Variants in EBF2 observed in about 807,000 individuals in gnomAD.
The protein encoded by EBF2 is transcription factor COE2.
EBF2 carries 21 observed loss-of-function variants against 72.8 expected under a neutral mutation model. The observed-to-expected ratio is 0.29, with a 90% CI of 0.20 to 0.42. The LOEUF is 0.42. Among genes scored for constraint, EBF2 ranks in the 10% least tolerant of loss-of-function variants. The pLI is 1.00. For missense variants in EBF2, 637 were observed against 731.2 expected, an observed-to-expected ratio of 0.87 and a Z score of 1.49; for synonymous variants, 299 against 274.2, an observed-to-expected ratio of 1.09 and a Z score of -0.89.
chr8:25,847,699 A>G lies in EBF2; in HGVS notation c.1696+2895T>C, dbSNP rs187890993. ...GCACAGATTGACAAGGCCCGGAAAG[A>G]GCTGAACTAGAACTCAGCACAGGAC... On this transcript the variant is annotated intron_variant, in intron 15 of 15. Coordinates refer to ENST00000520164, the MANE Select transcript of EBF2 (RefSeq NM_022659.4). Among the ~76,000 whole-genome samples the G allele has an allele frequency of 8.0e-4, 122 of 152,306 alleles. 2 individuals are homozygous for G. The highest frequency in any genetic ancestry group is 2.9e-3 in the African/African-American group (119 of 41,554).
intron 6 of EBF2, among the ~76,000 whole-genome samples, chr8:25,983,265 G>C (rs4427181): frequency 0.34 from 51,947 of 152,024 alleles, 9,591 homozygotes; most frequent in South Asian, 0.49. Flanking sequence ...GTGCATCATT[G>C]AGTGTGAAAG....
At chr8:26,019,885 T>C (rs1248657113) in intron 6 of EBF2, among the ~76,000 whole-genome samples, 8 of 152,160 alleles carry the variant, frequency 5.3e-5, no homozygotes, top group Non-Finnish European at 1.0e-4. Flanking sequence ...TGCTCAAAAC[T>C]GCCTGCTTTC....
At chr8:25,911,893 C>T (rs773148112) in intron 6 of EBF2, among the ~76,000 whole-genome samples, 18 of 152,264 alleles carry the variant, frequency 1.2e-4, no homozygotes, top group African/African-American at 2.4e-4. Flanking sequence ...TCCAGGGTGA[C>T]GCCGTGCCCA....
At chr8:25,946,120 C>G (rs1169099975) in intron 6 of EBF2, among the ~76,000 whole-genome samples, 1 of 152,216 alleles carries the variant, frequency 6.6e-6, no homozygotes, top group Non-Finnish European at 1.5e-5. Flanking sequence ...TCTTCAACTT[C>G]TAGAATCTCC....
chr8:25,891,591 T>G (rs1242637438), intron 7 of EBF2, among the ~76,000 whole-genome samples: 2 of 151,878 alleles, frequency 1.3e-5, no homozygotes, highest in Non-Finnish European at 2.9e-5. Context: ...TTTTTTTTTT[T>G]TTTTGAGATA....
At chr8:26,036,750 C>T (rs796393586) in intron 5 of EBF2, among the ~76,000 whole-genome samples, 36 of 152,252 alleles carry the variant, frequency 2.4e-4, no homozygotes, top group African/African-American at 8.2e-4. Context: ...CTCAATTCTG[C>T]CTTCCCTTTG....
At chr8:26,007,942 G>GA (rs990646705) in intron 6 of EBF2, among the ~76,000 whole-genome samples, 1 of 151,382 alleles carries the variant, frequency 6.6e-6, no homozygotes. Flanking sequence ...ATTTTTCCCG[G>GA]AAAAAAGAAG....
chr8:26,000,406 G>A (rs1354219047), intron 6 of EBF2, among the ~76,000 whole-genome samples: 1 of 152,078 alleles, frequency 6.6e-6, no homozygotes, highest in African/African-American at 2.4e-5. Context: ...TGTTGTCTCT[G>A]CACTTACAGC....
At chr8:25,976,318 A>C (rs1401860868) in intron 6 of EBF2, among the ~76,000 whole-genome samples, 2 of 152,188 alleles carry the variant, frequency 1.3e-5, no homozygotes, top group Admixed American at 1.3e-4. Context: ...GCCAATTTGG[A>C]AACAGGTCCA....
intron 10 of EBF2, among the ~76,000 whole-genome samples, chr8:25,866,431 A>G (rs1164378527): frequency 8.0e-6 from 1 of 125,760 alleles, no homozygotes; most frequent in Non-Finnish European, 1.6e-5. Context: ...CAGATTTTTT[A>G]TTTATATATA....
chr8:25,946,329 C>A (rs958430844), intron 6 of EBF2, among the ~76,000 whole-genome samples: 7 of 152,182 alleles, frequency 4.6e-5, no homozygotes, highest in African/African-American at 1.7e-4. Context: ...AAGACCTATA[C>A]CTTCTTCATA....
chr8:25,890,113 G>A (rs948490747), intron 7 of EBF2, among the ~76,000 whole-genome samples: 1 of 152,160 alleles, frequency 6.6e-6, no homozygotes, highest in Middle Eastern at 3.2e-3. Flanking sequence ...GTAATGAAGT[G>A]GAGAAAATGA....
chr8:25,938,537 G>A (rs542290915), intron 6 of EBF2, among the ~76,000 whole-genome samples: 101 of 152,146 alleles, frequency 6.6e-4, no homozygotes, highest in African/African-American at 2.2e-3. Flanking sequence ...TGAAACAATC[G>A]TGACTTTGAG....
At chr8:25,926,568 A>G (rs1451017297) in intron 6 of EBF2, among the ~76,000 whole-genome samples, 1 of 151,664 alleles carries the variant, frequency 6.6e-6, no homozygotes, top group Non-Finnish European at 1.5e-5. Flanking sequence ...CACAGTGTGC[A>G]GTACTGAGGG....
At chr8:25,984,381 A>C (rs1039850449) in intron 6 of EBF2, among the ~76,000 whole-genome samples, 12 of 151,952 alleles carry the variant, frequency 7.9e-5, no homozygotes, top group African/African-American at 2.9e-4. Context: ...CTGAAAAAAA[A>C]TCCATAAGAC....
chr8:26,041,814 A>T lies in EBF2; in HGVS notation c.288+281T>A, dbSNP rs796856001. ...CTTGGGTGTACTTTTTAACTAGTCC[A>T]AGGGGCGTTTGCTCCGCCGTCAGTC... is the stretch of plus-strand genomic sequence containing the variant. On this transcript the variant is annotated intron_variant, in intron 2 of 15. Coordinates refer to ENST00000520164, the MANE Select transcript of EBF2 (RefSeq NM_022659.4). 3.9e-5 allele frequency among the ~76,000 whole-genome samples: 6 copies of T among 152,202 alleles called. No homozygotes were observed. In the East Asian group the frequency reaches 7.7e-4, roughly 20 times the overall value.
intron 6 of EBF2, among the ~76,000 whole-genome samples, chr8:25,966,976 A>G (rs1804125360): frequency 6.6e-6 from 1 of 152,238 alleles, no homozygotes; most frequent in African/African-American, 2.4e-5. Flanking sequence ...CCTAGAGCCA[A>G]TGTCAACAAT....
intron 14 of EBF2, among the ~76,000 whole-genome samples, chr8:25,853,192 G>A (rs1468778379): frequency 6.6e-6 from 1 of 152,124 alleles, no homozygotes; most frequent in Non-Finnish European, 1.5e-5. Flanking sequence ...AGAGCTGTTA[G>A]GATGGTTAGA....
rs78364158 is a variant in EBF2 at position 25,876,530 on chromosome 8, A to G, written c.1009+10225T>C. 1.3e-3 allele frequency among the ~76,000 whole-genome samples: 193 copies of G among 152,332 alleles called. 5 individuals are homozygous for G. In the East Asian group the frequency reaches 0.028, roughly 22 times the overall value. ...TATTGCAATCTGAAAACCAGGGCCCAGGTAAGGCGTCTTCTGAGACCCCCT... is the reference window on the plus strand; with the variant it reads ...TATTGCAATCTGAAAACCAGGGCCCGGGTAAGGCGTCTTCTGAGACCCCCT... On this transcript the variant is annotated intron_variant, in intron 10 of 15. Coordinates refer to ENST00000520164, the MANE Select transcript of EBF2 (RefSeq NM_022659.4).
Sources: allele counts gnomAD v4.1 joint callset (sites outside exome capture counted in the v4.1 genomes callset), GRCh38; gene constraint gnomAD v4.1.1; transcripts MANE v1.5; gene names NCBI Gene and HGNC (gene_info 2026-07-23, HGNC 2026-07-21).